The following CCDC15 variants were observed in gnomAD, a reference collection of about 807,000 sequenced individuals.
CCDC15 encodes the protein coiled-coil domain containing 15.
A neutral mutation model predicts 114.5 loss-of-function variants in CCDC15; 105 were observed. That is an observed-to-expected ratio of 0.92 (90% CI 0.78 to 1.08). CCDC15 has a LOEUF of 1.08. CCDC15 is among the 50% of genes least tolerant of loss of function. The pLI, the probability that CCDC15 is intolerant of heterozygous loss-of-function variation, is 0.00. For missense variants in CCDC15, 1,105 were observed against 1,093.6 expected, an observed-to-expected ratio of 1.01 and a Z score of -0.15; for synonymous variants, 334 against 377.8, an observed-to-expected ratio of 0.88 and a Z score of 1.34.
chr11:125,033,313 T>A (rs1018738105), intron 13 of CCDC15, among the ~76,000 whole-genome samples: 1 of 152,236 alleles, frequency 6.6e-6, no homozygotes, highest in Non-Finnish European at 1.5e-5. Context: ...CAAACGATTC[T>A]GATTGTTGCT....
rs1339029613 is a variant in CCDC15, at chr11:124,987,450, A to T, written c.1224A>T (p.Lys408Asn). 1.2e-6 allele frequency: 2 copies of T among 1,613,824 alleles called. No individual in the cohort carries two copies. The highest frequency in any genetic ancestry group is 1.7e-6 in the Non-Finnish European group (2 of 1,179,894). Residue 408 changes from lysine (K) to asparagine (N), a missense_variant, in exon 8 of 16, where the codon AAA (lysine) becomes AAT (asparagine). By Grantham distance (94) the Lys-to-Asn change is moderately conservative. Coordinates refer to ENST00000344762, the MANE Select transcript of CCDC15 (RefSeq NM_025004.3). ...IELEEGSIVL[K>N]TQDFLPTNQA... ...TAGAAGAAGGGAGTATTGTGTTGAA[A>T]ACCCAGGATTTTCTACCCACAAATC...
At chr11:125,007,196 C>CT in intron 13 of CCDC15, among the ~76,000 whole-genome samples, 1 of 152,300 alleles carries the variant, frequency 6.6e-6, no homozygotes, top group Middle Eastern at 3.4e-3. Context: ...TTCTATCTGT[C>CT]TAACTGTATG....
At chr11:124,983,328 A>G (rs1403754620) in intron 6 of CCDC15, among the ~76,000 whole-genome samples, 1 of 152,172 alleles carries the variant, frequency 6.6e-6, no homozygotes, top group Non-Finnish European at 1.5e-5. Flanking sequence ...TTGTTGGGGA[A>G]CTAGTGCAGT....
intron 4 of CCDC15, among the ~76,000 whole-genome samples, chr11:124,964,910 T>C (rs1446208811): frequency 6.6e-6 from 1 of 152,208 alleles, no homozygotes; most frequent in African/African-American, 2.4e-5. Flanking sequence ...ATGTGGTTTT[T>C]GTCTTTGGTT....
intron 11 of CCDC15, among the ~76,000 whole-genome samples, chr11:124,996,703 TCA>T (rs1488521024): frequency 1.3e-5 from 2 of 152,184 alleles, no homozygotes; most frequent in African/African-American, 4.8e-5. Flanking sequence ...CAGTAATTTC[TCA>T]GTCTCTTCTC....
At chr11:125,029,169 G>A (rs117728791) in intron 13 of CCDC15, among the ~76,000 whole-genome samples, 3,626 of 152,242 alleles carry the variant, frequency 0.024, 66 homozygotes, top group Middle Eastern at 0.061. Context: ...GTAAGAGTGG[G>A]TCTGCCCTTC....
intron 11 of CCDC15, among the ~76,000 whole-genome samples, chr11:124,999,292 G>A (rs1204742484): frequency 6.6e-6 from 1 of 151,998 alleles, no homozygotes; most frequent in African/African-American, 2.4e-5. Flanking sequence ...TTTTCAATCT[G>A]TAAATCTATA....
intron 8 of CCDC15, among the ~76,000 whole-genome samples, chr11:124,988,667 A>G (rs1362993849): frequency 1.3e-5 from 2 of 152,352 alleles, no homozygotes; most frequent in East Asian, 1.9e-4. Flanking sequence ...ATTGGAATCA[A>G]TTCCCTCAAA....
At chr11:125,007,860 G>A (rs111507362) in intron 13 of CCDC15, among the ~76,000 whole-genome samples, 5 of 152,310 alleles carry the variant, frequency 3.3e-5, no homozygotes, top group African/African-American at 1.2e-4. Context: ...GCCTGAAGTG[G>A]CGGCAGTGGG....
intron 1 of CCDC15, 64 bp from the exon 2 acceptor site, chr11:124,954,660 T>TTAG: frequency 1.4e-6 from 2 of 1,451,978 alleles, no homozygotes; most frequent in Non-Finnish European, 1.9e-6. Flanking sequence ...GGCTCATGTG[T>TTAG]TAGGAGGTTG....
rs978952916 is a variant in CCDC15 at position 125,033,411 on chromosome 11, A to G, written c.2412-5020A>G. On this transcript the variant is annotated intron_variant, in intron 13 of 15. Transcript: ENST00000344762. ...CTTGGCCCTGCCATCTCGGGATCCA[A>G]TTATTTCCATTGCATTTAAATTTTG... 3.9e-5 allele frequency among the ~76,000 whole-genome samples: 6 copies of G among 152,220 alleles called. No homozygotes were observed. In the East Asian group the frequency reaches 1.2e-3, roughly 29 times the overall value.
chr11:125,000,932 T>C (rs1220990231), intron 11 of CCDC15, among the ~76,000 whole-genome samples: 3 of 152,190 alleles, frequency 2.0e-5, no homozygotes, highest in African/African-American at 7.2e-5. Context: ...ATTTTATATA[T>C]ATTTCTCTTT....
intron 2 of CCDC15, among the ~76,000 whole-genome samples, 182 bp from the exon 3 acceptor site, chr11:124,958,933 C>T (rs1338813624): frequency 5.9e-5 from 9 of 152,046 alleles, no homozygotes; most frequent in Non-Finnish European, 1.3e-4. Context: ...ATGAAGACAT[C>T]GTTAGTTCTA....
chr11:125,038,518 G>T lies in CCDC15; in HGVS notation c.2499G>T (p.Glu833Asp). Residue 833 changes from glutamate to aspartate, a missense_variant, in exon 14 of 16, where the codon GAG becomes GAT. Transcript: ENST00000344762. ...TTCATGAAGATCCATATTCAGGAGA[G>T]AAGTTGAGTGAGATATTAGCCCAGT... ...MNFHEDPYSG[E>D]KLSEILAQLQ... 1 of 1,587,352 alleles carries T rather than the reference G, an allele frequency of 6.3e-7. No individual in the cohort carries two copies. Among genetic ancestry groups the T allele is most frequent in the East Asian group, 2.3e-5 (1 of 44,202 alleles).
chr11:124,998,479 C>G lies in CCDC15; in HGVS notation c.2214+5236C>G, dbSNP rs560145529. Among the ~76,000 whole-genome samples, 180 of 152,192 alleles carry G rather than the reference C, an allele frequency of 1.2e-3. 1 individual carries two copies. Among genetic ancestry groups the G allele is most frequent in the Non-Finnish European group, 4.1e-4 (28 of 67,994 alleles). On this transcript the variant is annotated intron_variant, in intron 11 of 15. Transcript: ENST00000344762. The stretch of plus-strand genomic sequence containing the variant: ...TCTAACTGACCTATTACCTTTTTGT[C>G]TCTATCTCTTCATATTATCTTATAA...
chr11:125,008,761 C>T (rs1383014970), intron 13 of CCDC15, among the ~76,000 whole-genome samples: 1 of 151,646 alleles, frequency 6.6e-6, no homozygotes, highest in Non-Finnish European at 1.5e-5. Context: ...GGCGTGATCT[C>T]GGCTCACTGC....
Position 124,961,953 on chromosome 11 carries a change from A to T in CCDC15, c.516+1950A>T, listed in dbSNP as rs1947667999. ...AGTTTATAATGGAGAATAACCAAAA[A>T]TGGGGTTGGATAAGGAGGAGGAAAT... On this transcript the variant is annotated intron_variant, in intron 4 of 15. Coordinates refer to ENST00000344762, the MANE Select transcript of CCDC15 (RefSeq NM_025004.3). 2.6e-5 allele frequency among the ~76,000 whole-genome samples: 4 copies of T among 152,216 alleles called. No homozygotes were observed. The South Asian group carries it at 8.3e-4, about 31-fold the overall frequency.
At chr11:124,989,534 T>C (rs1284699558) in intron 8 of CCDC15, among the ~76,000 whole-genome samples, 1 of 152,230 alleles carries the variant, frequency 6.6e-6, no homozygotes, top group Non-Finnish European at 1.5e-5. Flanking sequence ...AGCCAGACAT[T>C]GACTTTTTCT....
chr11:125,013,139 G>C (rs1447181841), intron 13 of CCDC15, among the ~76,000 whole-genome samples: 2 of 152,144 alleles, frequency 1.3e-5, no homozygotes, highest in Non-Finnish European at 2.9e-5. Context: ...AGGAGAAAAA[G>C]AGACAAAAAA....
Sources: gnomAD v4.1 joint callset for allele counts (sites outside exome capture counted in the v4.1 genomes callset) on GRCh38, gnomAD v4.1.1 for gene constraint, MANE v1.5 for transcripts, NCBI Gene and HGNC (gene_info 2026-07-23, HGNC 2026-07-21) for gene names.